ZFAT: variants seen among roughly 807,000 people sequenced by gnomAD.
ZFAT encodes the protein zinc finger and AT-hook domain containing, also known as zinc finger protein ZFAT.
A neutral mutation model predicts 117.7 loss-of-function variants in ZFAT; 64 were observed. That is an observed-to-expected ratio of 0.54 (90% CI 0.44 to 0.67). The LOEUF is 0.67. Among genes scored for constraint, ZFAT ranks in the 30% least tolerant of loss-of-function variants. The pLI is 0.00. For synonymous variants in ZFAT, 679 were observed against 615.0 expected, an observed-to-expected ratio of 1.10 and a Z score of -1.54; for missense variants, 1,433 against 1,584.5, an observed-to-expected ratio of 0.90 and a Z score of 1.62.
At position 134,486,993 on chromosome 8, in the gene ZFAT, T is replaced by C. The variant is rs181296529; in HGVS notation, c.3493-8272A>G. On this transcript the variant is annotated intron_variant, in intron 15 of 15. Coordinates refer to ENST00000377838, the MANE Select transcript of ZFAT (RefSeq NM_020863.4). ...AGGTGTGTGTCCATGTGTGTATATGTACATATGCATGTATATGGGTCTGTA... is the reference window on the plus strand; with the variant it reads ...AGGTGTGTGTCCATGTGTGTATATGCACATATGCATGTATATGGGTCTGTA... 5.2e-4 allele frequency among the ~76,000 whole-genome samples: 79 copies of C among 152,342 alleles called. No homozygotes were observed. In the Middle Eastern group the frequency reaches 0.01, roughly 20 times the overall value.
At chr8:134,485,215 T>C (rs775990372) in intron 15 of ZFAT, among the ~76,000 whole-genome samples, 6 of 152,128 alleles carry the variant, frequency 3.9e-5, no homozygotes, top group South Asian at 2.1e-4. Flanking sequence ...TGGGGAGTTA[T>C]GTAGTTGCTT....
the ZFAT span, among the ~76,000 whole-genome samples, chr8:134,736,353 T>C: frequency 6.6e-6 from 1 of 152,120 alleles, no homozygotes; most frequent in Non-Finnish European, 1.5e-5. Flanking sequence ...GTAGATATGT[T>C]CACATATCAG....
intron 3 of ZFAT, among the ~76,000 whole-genome samples, chr8:134,635,206 G>T (rs909036935): frequency 1.3e-5 from 2 of 152,128 alleles, no homozygotes; most frequent in African/African-American, 4.8e-5. Flanking sequence ...GCAGACTGGG[G>T]AACGGCCACA....
At chr8:134,610,855 G>C (rs1586813630) in intron 3 of ZFAT, among the ~76,000 whole-genome samples, 200 bp from the exon 4 acceptor site, 1 of 151,452 alleles carries the variant, frequency 6.6e-6, no homozygotes, top group Non-Finnish European at 1.5e-5. Flanking sequence ...ACTGCTCCCC[G>C]CCACAGGCCA....
At position 134,478,690 on chromosome 8, in the gene ZFAT, G is replaced by C. The variant is rs181970358; in HGVS notation, c.3524C>G (p.Thr1175Arg). The C allele has an allele frequency of 5.4e-5, 85 of 1,577,110 alleles. No individual in the cohort carries two copies. In the African/African-American group the frequency reaches 5.4e-4, roughly 10 times the overall value. The change falls in exon 16 of 16, where the codon ACG becomes AGG. Residue 1175 changes from threonine to arginine, a missense_variant. Physicochemically the swap from Thr to Arg is moderately conservative, Grantham distance 71 (BLOSUM62 -1). This residue lies in a region of ZFAT where 503 missense variants were observed against 543.4 expected (regional missense o/e 0.93). Transcript: ENST00000377838. The surrounding 1 kb of genome is among the most constrained non-coding windows in gnomAD (Gnocchi z 5.2). ...VTEEEPSSNHTVMIQETVQQA... is the reference protein window; with the variant it reads ...VTEEEPSSNHRVMIQETVQQA... ...CTGGACCGTCTCCTGGATCATGACC[G>C]TGTGGTTGGAGCTGGGCTCCTCCTC...
chr8:134,637,018 C>T (rs1830256120), intron 3 of ZFAT, among the ~76,000 whole-genome samples: 1 of 152,260 alleles, frequency 6.6e-6, no homozygotes, highest in Non-Finnish European at 1.5e-5. Context: ...TGGCCCCATC[C>T]ATCCACTAAG....
intron 3 of ZFAT, among the ~76,000 whole-genome samples, chr8:134,628,173 G>C (rs2131055475): frequency 6.6e-6 from 1 of 152,292 alleles, no homozygotes; most frequent in South Asian, 2.1e-4. Flanking sequence ...TGACAGGATG[G>C]GGCCCCGCTG....
At chr8:134,768,038 T>C in the ZFAT span, among the ~76,000 whole-genome samples, 1 of 152,206 alleles carries the variant, frequency 6.6e-6, no homozygotes, top group African/African-American at 2.4e-5. Flanking sequence ...TCTTTTTGTC[T>C]TTTCATTCTT....
the ZFAT span, chr8:134,795,930 C>A: frequency 3.9e-5 from 6 of 152,062 alleles, no homozygotes; most frequent in Non-Finnish European, 8.8e-5. Context: ...ATGTCAAAGC[C>A]CCATATTTTG....
At chr8:134,801,493 T>C in the ZFAT span, among the ~76,000 whole-genome samples, 1 of 152,168 alleles carries the variant, frequency 6.6e-6, no homozygotes, top group African/African-American at 2.4e-5. Flanking sequence ...CCCAGGACTT[T>C]CAGGAACCTC....
At chr8:134,763,526 G>A in the ZFAT span, among the ~76,000 whole-genome samples, 31 of 151,988 alleles carry the variant, frequency 2.0e-4, no homozygotes, top group Middle Eastern at 3.4e-3. Context: ...CTTCCTTACC[G>A]TGCCTTATTT....
In ZFAT at chr8:134,602,406, C is replaced by G. The variant is rs763840528; in HGVS notation, c.1313G>C (p.Gly438Ala). 1 of 1,613,904 alleles carries G rather than the reference C, an allele frequency of 6.2e-7. No homozygotes were observed. ...DKWPFACELC[G>A]HGATKYQALE... is the part of the protein sequence containing the mutation. ...CGCCTGGTACTTGGTGGCCCCATGGCCACAGAGCTCACAGGCAAAAGGCCA... is the reference window on the plus strand; with the variant it reads ...CGCCTGGTACTTGGTGGCCCCATGGGCACAGAGCTCACAGGCAAAAGGCCA... The change falls in exon 6 of 16, where the codon GGC (glycine) becomes GCC (alanine). Residue 438 changes from glycine to alanine, a missense_variant. Gly to Ala is a moderately conservative substitution (Grantham distance 60). This residue lies in a region of ZFAT where 73 missense variants were observed against 122.0 expected (regional missense o/e 0.60). Transcript: ENST00000377838.
the ZFAT span, chr8:134,724,062 G>T: frequency 6.6e-6 from 1 of 152,382 alleles, no homozygotes; most frequent in African/African-American, 2.4e-5. Flanking sequence ...TCCATTCTTA[G>T]GAGTCAGGGG....
intron 5 of ZFAT, among the ~76,000 whole-genome samples, chr8:134,603,941 G>A (rs1387276074): frequency 2.6e-5 from 4 of 152,178 alleles, no homozygotes; most frequent in Non-Finnish European, 4.4e-5. Flanking sequence ...GAACACAGAT[G>A]GGGAAAATAG....
chr8:134,674,329 A>G (rs561302142), intron 1 of ZFAT, among the ~76,000 whole-genome samples: 1 of 152,292 alleles, frequency 6.6e-6, no homozygotes, highest in Non-Finnish European at 1.5e-5. Context: ...CCTAGAGCCT[A>G]GCAAGCTAAG....
intron 3 of ZFAT, among the ~76,000 whole-genome samples, chr8:134,620,375 C>G (rs116607565): frequency 6.6e-6 from 1 of 152,162 alleles, no homozygotes; most frequent in Non-Finnish European, 1.5e-5. Flanking sequence ...CACTCCAGCC[C>G]GAGAAGGCAC....
chr8:134,626,129 T>C (rs1384931835), intron 3 of ZFAT, among the ~76,000 whole-genome samples: 1 of 152,064 alleles, frequency 6.6e-6, no homozygotes, highest in Non-Finnish European at 1.5e-5. Flanking sequence ...TCATTAAGAG[T>C]CACAATAAGC....
chr8:134,635,823 C>G (rs991636901), intron 3 of ZFAT, among the ~76,000 whole-genome samples: 2 of 152,164 alleles, frequency 1.3e-5, no homozygotes, highest in African/African-American at 4.8e-5. Flanking sequence ...CTAAAATTAT[C>G]TTTATTTCCC....
chr8:134,664,103 C>T (rs1213851367), intron 1 of ZFAT, among the ~76,000 whole-genome samples: 1 of 152,138 alleles, frequency 6.6e-6, no homozygotes, highest in African/African-American at 2.4e-5. Context: ...GGCTCCCAGA[C>T]TCCAGAATGC....
Sources: allele counts gnomAD v4.1 joint callset (sites outside exome capture counted in the v4.1 genomes callset), GRCh38; gene constraint gnomAD v4.1.1; regional missense constraint gnomAD v4.1.1; non-coding constraint Gnocchi (gnomAD v3.1); transcripts MANE v1.5; gene names NCBI Gene and HGNC (gene_info 2026-07-23, HGNC 2026-07-21).